The following RGS5 variants were observed in gnomAD, a reference collection of about 807,000 sequenced individuals.
RGS5 encodes regulator of G protein signaling 5.
A neutral mutation model predicts 18.9 loss-of-function variants in RGS5; 20 were observed. That is an observed-to-expected ratio of 1.06 (90% CI 0.74 to 1.54). The LOEUF is 1.54. Among genes scored for constraint, RGS5 ranks in the 40% most tolerant of loss-of-function variants. The pLI, the probability that RGS5 is intolerant of heterozygous loss-of-function variation, is 0.00. For missense variants in RGS5, 201 were observed against 211.8 expected (o/e 0.95, Z 0.32); for synonymous variants, 57 against 76.2 (o/e 0.75, Z 1.31).
intron 2 of RGS5, chr1:163,260,669 TG>T (rs1350669125): frequency 9.3e-5 from 12 of 129,172 alleles, no homozygotes; most frequent in Non-Finnish European, 1.7e-4. Context: ...GAAATAAAAA[TG>T]AAAAAAAAAA....
chr1:163,225,908 T>A (rs1356943685), intron 2 of RGS5, among the ~76,000 whole-genome samples: 2 of 141,330 alleles, frequency 1.4e-5, no homozygotes, highest in African/African-American at 5.7e-5. Flanking sequence ...AGTTAGGAGG[T>A]CAAAATCACA....
rs545733041 is a variant in RGS5, at chr1:163,268,159, T to G, written c.-281+38074A>C. On this transcript the variant is annotated intron_variant, in intron 2 of 5. Transcript: ENST00000618415. The stretch of plus-strand genomic sequence containing the variant: ...GACACTAAACATTTTGCTGGTAGGG[T>G]TATTAGCCCATCTCCTTTTTAAAAT... Among the ~76,000 whole-genome samples the G allele has an allele frequency of 2.5e-3, 384 of 151,950 alleles. 1 individual carries two copies. The highest frequency in any genetic ancestry group is 8.9e-3 in the African/African-American group (370 of 41,464).
At chr1:163,264,549 G>GTC (rs1171602772) in intron 2 of RGS5, among the ~76,000 whole-genome samples, 10 of 152,158 alleles carry the variant, frequency 6.6e-5, no homozygotes, top group African/African-American at 2.4e-4. Flanking sequence ...CCCAACTCCT[G>GTC]CCAAGATCAT....
At chr1:163,307,978 C>G (rs1476506436) in intron 1 of RGS5, among the ~76,000 whole-genome samples, 2 of 152,138 alleles carry the variant, frequency 1.3e-5, no homozygotes, top group Non-Finnish European at 2.9e-5. Flanking sequence ...GCTAGGATAG[C>G]AGTTGTTCTT....
chr1:163,186,942 T>C (rs1659116132), intron 1 of RGS5, among the ~76,000 whole-genome samples: 1 of 136,036 alleles, frequency 7.4e-6, no homozygotes, highest in Non-Finnish European at 1.6e-5. Context: ...CTCTGTGTGA[T>C]CAAAATTGTG....
chr1:163,220,307 T>G (rs1256117336), upstream of RGS5, among the ~76,000 whole-genome samples: 1 of 135,504 alleles, frequency 7.4e-6, no homozygotes, highest in Non-Finnish European at 1.6e-5. Flanking sequence ...TTTTTCTGCA[T>G]CCATTAAAAT....
intron 2 of RGS5, among the ~76,000 whole-genome samples, chr1:163,247,889 T>C (rs1342158880): frequency 6.6e-6 from 1 of 152,188 alleles, no homozygotes; most frequent in South Asian, 2.1e-4. Context: ...GATCAATGAA[T>C]GTTCTTTCAA....
intron 2 of RGS5, among the ~76,000 whole-genome samples, chr1:163,233,322 T>C (rs1212771213): frequency 6.6e-6 from 1 of 152,252 alleles, no homozygotes; most frequent in Non-Finnish European, 1.5e-5. Context: ...CCCATTTTTC[T>C]CTTTGTAATT....
chr1:163,158,924 G>C (rs1263866347), intron 3 of RGS5, among the ~76,000 whole-genome samples: 15 of 152,158 alleles, frequency 9.9e-5, no homozygotes, highest in Non-Finnish European at 1.5e-5. Flanking sequence ...GATCATAAAA[G>C]ACAGCCGTTC....
chr1:163,160,837 A>G (rs979629826), intron 3 of RGS5, among the ~76,000 whole-genome samples: 1 of 152,104 alleles, frequency 6.6e-6, no homozygotes, highest in Non-Finnish European at 1.5e-5. Context: ...TTTTAAATTG[A>G]CTCATACTTT....
intron 2 of RGS5, chr1:163,245,068 A>T (rs538544164): frequency 1.3e-5 from 2 of 152,252 alleles, no homozygotes; most frequent in African/African-American, 4.8e-5. Flanking sequence ...TATTGAATAT[A>T]GTCTGCTGAG....
chr1:163,259,033 A>G (rs566760841), intron 2 of RGS5, among the ~76,000 whole-genome samples: 34 of 152,190 alleles, frequency 2.2e-4, no homozygotes, highest in Middle Eastern at 3.4e-3. Context: ...CAAAGAGCCA[A>G]GGTGTTCCAT....
intron 2 of RGS5, among the ~76,000 whole-genome samples, chr1:163,243,288 T>A (rs554661174): frequency 6.6e-6 from 1 of 152,042 alleles, no homozygotes; most frequent in South Asian, 2.1e-4. Context: ...CTGGGACCCG[T>A]CAGGGGTTGG....
intron 2 of RGS5, among the ~76,000 whole-genome samples, chr1:163,239,367 T>C (rs1647723665): frequency 6.6e-6 from 1 of 150,572 alleles, no homozygotes; most frequent in African/African-American, 2.4e-5. Flanking sequence ...GTGCCTGTAG[T>C]CCTAGCTGCT....
chr1:163,276,719 A>T (rs1248618492), intron 2 of RGS5, among the ~76,000 whole-genome samples: 1 of 152,228 alleles, frequency 6.6e-6, no homozygotes, highest in Non-Finnish European at 1.5e-5. Context: ...ACAAGGGACA[A>T]GATGAATCTG....
intron 1 of RGS5, among the ~76,000 whole-genome samples, chr1:163,191,412 T>G (rs1218519650): frequency 1.3e-5 from 2 of 151,898 alleles, no homozygotes; most frequent in Non-Finnish European, 2.9e-5. Flanking sequence ...GAACACACAG[T>G]ATAGCCTGTA....
At chr1:163,289,275 C>T (rs1285474786) in intron 2 of RGS5, among the ~76,000 whole-genome samples, 1 of 151,810 alleles carries the variant, frequency 6.6e-6, no homozygotes, top group Non-Finnish European at 1.5e-5. Context: ...CACCTTTGCT[C>T]CTGCAGTTAT....
At chr1:163,149,010 C>T (rs552147769) in intron 4 of RGS5, among the ~76,000 whole-genome samples, 3 of 152,158 alleles carry the variant, frequency 2.0e-5, no homozygotes, top group Admixed American at 6.5e-5. Flanking sequence ...AGACAAAATG[C>T]ATGATTCCCT....
At chr1:163,225,059 T>G (rs1647303957) in intron 2 of RGS5, among the ~76,000 whole-genome samples, 1 of 152,218 alleles carries the variant, frequency 6.6e-6, no homozygotes, top group Non-Finnish European at 1.5e-5. Flanking sequence ...TATTCTTACT[T>G]TTGTTGCCTA....
Sources: gnomAD v4.1 joint callset for allele counts (sites outside exome capture counted in the v4.1 genomes callset) on GRCh38, gnomAD v4.1.1 for gene constraint, MANE v1.5 for transcripts, NCBI Gene and HGNC (gene_info 2026-07-23, HGNC 2026-07-21) for gene names.